Variants in PHF12 observed in about 807,000 individuals in gnomAD.
PHF12 encodes PHD finger protein 12.
Under a neutral mutation model 99.8 loss-of-function variants are expected in PHF12, and 6 were observed. The observed-to-expected ratio is 0.06, with a 90% CI of 0.03 to 0.12. PHF12 has a LOEUF of 0.12. Ranked by LOEUF, PHF12 falls within the 10% of genes least tolerant of loss-of-function variation. The probability of loss-of-function intolerance (pLI) is 1.00; values close to 1 mark genes in which losing one functional copy is unlikely to be tolerated. For missense variants in PHF12, 954 were observed against 1,300.1 expected (o/e 0.73, Z 4.09); for synonymous variants, 480 against 514.9 (o/e 0.93, Z 0.92).
chr17:28,925,190 T>C (rs1315751865), intron 3 of PHF12: 1 of 152,202 alleles, frequency 6.6e-6, no homozygotes, highest in Non-Finnish European at 1.5e-5. Flanking sequence ...CCTGTGATCT[T>C]GTCCTATTTC....
intron 2 of PHF12, among the ~76,000 whole-genome samples, chr17:28,943,064 T>G (rs550894156): frequency 1.3e-5 from 2 of 152,278 alleles, no homozygotes; most frequent in South Asian, 4.1e-4. Flanking sequence ...AAAAAAAGTT[T>G]AACATCACTA....
intron 2 of PHF12, among the ~76,000 whole-genome samples, chr17:28,937,608 T>C (rs1567968629): frequency 2.0e-5 from 3 of 152,212 alleles, no homozygotes; most frequent in African/African-American, 7.2e-5. Flanking sequence ...TATCGCCTTC[T>C]ATGTAGAGCT....
chr17:28,906,906 G>T lies in PHF12; in HGVS notation c.2630C>A (p.Thr877Asn), dbSNP rs559618686. The change falls in exon 14 of 15, where the codon ACC becomes AAC. Residue 877 changes from threonine to asparagine, a missense_variant. Physicochemically the swap from Thr to Asn is moderately conservative, Grantham distance 65 (BLOSUM62 0). Transcript: ENST00000332830. This position sits in a 1 kb window ranked among gnomAD's most constrained non-coding sequence, Gnocchi z 4.2. ...VLYSCDFSEK[T>N]PPTPPSSIVA... is the part of the protein sequence containing the mutation. The stretch of plus-strand genomic sequence containing the variant: ...AATACTGCTTGGGGGGGTTGGCGGG[G>T]TCTTCTCCGAGAAGTCACATGAATA... 1 of 1,613,260 alleles carries T rather than the reference G, an allele frequency of 6.2e-7. No individual in the cohort carries two copies. The highest frequency in any genetic ancestry group is 1.3e-5 in the African/African-American group (1 of 74,960).
chr17:28,936,146 T>C (rs1199492132), intron 2 of PHF12, among the ~76,000 whole-genome samples: 3 of 152,256 alleles, frequency 2.0e-5, no homozygotes, highest in Non-Finnish European at 4.4e-5. Flanking sequence ...CCAGTGTGGT[T>C]GATCTGAGTC....
intron 7 of PHF12, among the ~76,000 whole-genome samples, chr17:28,916,848 TTAGA>T (rs2040071323): frequency 6.6e-6 from 1 of 152,236 alleles, no homozygotes; most frequent in Non-Finnish European, 1.5e-5. Flanking sequence ...CAAGTTTCCT[TTAGA>T]TATTTTCCAC....
At chr17:28,914,167 G>C (rs750331675) in intron 7 of PHF12, 130 bp from the exon 8 acceptor site, 2 of 1,031,282 alleles carry the variant, frequency 1.9e-6, no homozygotes, top group Non-Finnish European at 2.8e-6. Context: ...GGTCTGCTGA[G>C]GAAAAGGAGG....
intron 2 of PHF12, among the ~76,000 whole-genome samples, chr17:28,940,517 T>C (rs1268376024): frequency 6.6e-6 from 1 of 152,266 alleles, no homozygotes; most frequent in Non-Finnish European, 1.5e-5. Context: ...GTCAAGTTCC[T>C]TCCTGCTGAT....
intron 4 of PHF12, 71 bp downstream of exon 4, chr17:28,923,838 C>T: frequency 6.7e-7 from 1 of 1,496,790 alleles, no homozygotes; most frequent in Non-Finnish European, 9.0e-7. Flanking sequence ...ACTCCACAGG[C>T]AGCACTGCTC....
At position 28,919,227 on chromosome 17, in the gene PHF12, C is replaced by G; in HGVS notation, c.885G>C (p.Leu295=). 1 of 1,614,190 alleles carries G rather than the reference C, an allele frequency of 6.2e-7. No individual in the cohort carries two copies. The highest frequency in any genetic ancestry group is 8.5e-7 in the Non-Finnish European group (1 of 1,180,028). Residue 295 remains leucine (L), a synonymous_variant, in exon 6 of 15, where the codon CTG becomes CTC. Coordinates refer to ENST00000332830, the MANE Select transcript of PHF12 (RefSeq NM_001033561.2). ...GCGGCTCGAGGCAATCCATGTGAAACAGGAGAGGGCAATAGTCACACTGGA... is the reference window on the plus strand; with the variant it reads ...GCGGCTCGAGGCAATCCATGTGAAAGAGGAGAGGGCAATAGTCACACTGGA... ...PLIQCDYCPL[L]FHMDCLEPPL...
Position 28,950,310 on chromosome 17 carries a change from C to G in PHF12, c.67-64G>C. 6.6e-7 allele frequency: 1 copy of G among 1,517,648 alleles called. No homozygotes were observed. Among genetic ancestry groups the G allele is most frequent in the South Asian group, 1.2e-5 (1 of 84,624 alleles). The allele number at this position is 1,517,648 out of a possible 1,614,324, so 94.0% of individuals were successfully genotyped here. ...GCTCCCGGGCGGTCCGTCGCCCCCC[C>G]GGCGCGGTTTCTCCGTCACCCACCC... On this transcript the variant is annotated intron_variant, in intron 1 of 14. Transcript: ENST00000332830. This position sits in a 1 kb window ranked among gnomAD's most constrained non-coding sequence, Gnocchi z 5.7.
At chr17:28,934,330 G>A (rs1003713047) in intron 2 of PHF12, among the ~76,000 whole-genome samples, 1 of 152,188 alleles carries the variant, frequency 6.6e-6, no homozygotes, top group Non-Finnish European at 1.5e-5. Flanking sequence ...TTTGGTACCT[G>A]AAGGTGACAT....
intron 2 of PHF12, chr17:28,944,876 T>C (rs1330591640): frequency 6.6e-6 from 1 of 152,174 alleles, no homozygotes; most frequent in Non-Finnish European, 1.5e-5. Context: ...AAAAACAACA[T>C]GCTGACAAGA....
chr17:28,938,629 G>C (rs1291621078), intron 2 of PHF12, among the ~76,000 whole-genome samples: 1 of 152,162 alleles, frequency 6.6e-6, no homozygotes, highest in Non-Finnish European at 1.5e-5. Flanking sequence ...AGGAAAAAGT[G>C]AGAATAATAC....
chr17:28,914,077 G>A (rs1405519972), intron 7 of PHF12, 40 bp from the exon 8 acceptor site: 3 of 1,551,430 alleles, frequency 1.9e-6, no homozygotes, highest in Non-Finnish European at 1.8e-6. Flanking sequence ...GAGGGAGATA[G>A]TTCCAACATG....
intron 2 of PHF12, among the ~76,000 whole-genome samples, chr17:28,934,383 A>C (rs1017413606): frequency 2.0e-5 from 3 of 152,214 alleles, no homozygotes; most frequent in Admixed American, 1.3e-4. Flanking sequence ...GCTATTTAAC[A>C]AATGGTAATT....
chr17:28,947,144 C>T (rs958993969), intron 2 of PHF12, among the ~76,000 whole-genome samples: 5 of 151,578 alleles, frequency 3.3e-5, no homozygotes, highest in South Asian at 2.1e-4. Flanking sequence ...CCACCACACC[C>T]GGCTAATTTT....
chr17:28,913,884 G>C lies in PHF12; in HGVS notation c.1288C>G (p.Gln430Glu), dbSNP rs2040013408. 6.2e-7 allele frequency: 1 copy of C among 1,603,580 alleles called. No homozygotes were observed. Among genetic ancestry groups the C allele is most frequent in the Admixed American group, 1.7e-5 (1 of 59,778 alleles). ...CCCGCCCCACCTTCACTCACCTCTT[G>C]CTGCTCTGCTTGGGTGGCTAAGTGC... Reference protein sequence around the residue: ...SEHLATQAEQQEWLCSVVALQ... With the variant: ...SEHLATQAEQEEWLCSVVALQ... The change falls in exon 8 of 15, where the codon CAA (glutamine) becomes GAA (glutamate). Residue 430 changes from glutamine (Q) to glutamate (E), a missense_variant. Coordinates refer to ENST00000332830, the MANE Select transcript of PHF12 (RefSeq NM_001033561.2).
chr17:28,930,307 A>G (rs2040371911), intron 2 of PHF12, among the ~76,000 whole-genome samples: 1 of 152,114 alleles, frequency 6.6e-6, no homozygotes, highest in African/African-American at 2.4e-5. Context: ...TCTGCACCAC[A>G]CTGTATTCAA....
At position 28,917,512 on chromosome 17, in the gene PHF12, C is replaced by A; in HGVS notation, c.970-63G>T. On this transcript the variant is annotated intron_variant, in intron 6 of 14. Coordinates refer to ENST00000332830, the MANE Select transcript of PHF12 (RefSeq NM_001033561.2). ...AAAAGGCACCTCCTATCCCAGTTAACCCCATTCCCTGTGTTTAAAAACTAG... is the reference window on the plus strand; with the variant it reads ...AAAAGGCACCTCCTATCCCAGTTAAACCCATTCCCTGTGTTTAAAAACTAG... 10 of 1,513,828 alleles carry A rather than the reference C, an allele frequency of 6.6e-6. No homozygotes were observed. The South Asian group carries it at 1.3e-4, about 20-fold the overall frequency. 93.8% of individuals were successfully genotyped at this position (1,513,828 alleles called of 1,614,324 possible).
Sources: gnomAD v4.1 joint callset for allele counts (sites outside exome capture counted in the v4.1 genomes callset) on GRCh38, gnomAD v4.1.1 for gene constraint, Gnocchi (gnomAD v3.1) non-coding constraint, MANE v1.5 for transcripts, NCBI Gene and HGNC (gene_info 2026-07-23, HGNC 2026-07-21) for gene names.